BCL2L14: variants seen among roughly 807,000 people sequenced by gnomAD.
BCL2L14 encodes BCL2 like 14.
Under a neutral mutation model 35.3 loss-of-function variants are expected in BCL2L14, and 27 were observed. The ratio of observed to expected loss-of-function variants is 0.76; its 90% CI spans 0.56 to 1.05. The LOEUF (loss-of-function observed/expected upper bound fraction) is 1.05. Ranked by LOEUF, BCL2L14 falls within the 50% of genes least tolerant of loss-of-function variation. BCL2L14 has a pLI of 0.00. For synonymous variants in BCL2L14, 139 were observed against 145.9 expected, an observed-to-expected ratio of 0.95 and a Z score of 0.34; for missense variants, 377 against 382.6, an observed-to-expected ratio of 0.99 and a Z score of 0.12.
At chr12:12,097,459 C>T (rs994420375) in intron 5 of BCL2L14, among the ~76,000 whole-genome samples, 2 of 152,162 alleles carry the variant, frequency 1.3e-5, no homozygotes, top group Non-Finnish European at 2.9e-5. Flanking sequence ...TGTATGATTC[C>T]ATGTATATGA....
intron 2 of BCL2L14, among the ~76,000 whole-genome samples, chr12:12,084,046 T>C (rs1948986553): frequency 1.3e-5 from 2 of 152,208 alleles, no homozygotes; most frequent in African/African-American, 4.8e-5. Context: ...TGTCTACATC[T>C]CAGGCAAGAA....
chr12:12,057,670 T>C lies in BCL2L14; in HGVS notation c.-272+5823T>C, dbSNP rs1333310845. On this transcript the variant is annotated intron_variant, in intron 2 of 3. Coordinates refer to the BCL2L14 transcript ENST00000461264. Reference sequence around the variant, plus strand: ...TACTAGGGAGGCTGAGGCAGAAGAATTGCTTGAACCTGGGAGGCGGATGTT... The same window carrying C: ...TACTAGGGAGGCTGAGGCAGAAGAACTGCTTGAACCTGGGAGGCGGATGTT... Among the ~76,000 whole-genome samples the C allele has an allele frequency of 3.3e-5, 5 of 150,654 alleles. No individual in the cohort carries two copies. In the Admixed American group the frequency reaches 3.3e-4, roughly 10 times the overall value.
chr12:12,092,327 C>T (rs1949206728), intron 4 of BCL2L14, among the ~76,000 whole-genome samples: 1 of 152,230 alleles, frequency 6.6e-6, no homozygotes, highest in Non-Finnish European at 1.5e-5. Flanking sequence ...GGAGTTTGGA[C>T]ATTTTACATT....
At chr12:12,056,007 G>A (rs906595748) in intron 2 of BCL2L14, among the ~76,000 whole-genome samples, 4 of 151,916 alleles carry the variant, frequency 2.6e-5, no homozygotes, top group African/African-American at 9.7e-5. Context: ...TCCCCGAGGC[G>A]ATGTCTGATC....
rs916715662 is a variant in BCL2L14, at chr12:12,071,155, C to T, written c.-8+18C>T. On this transcript the variant is annotated intron_variant, in intron 1 of 5. Coordinates refer to ENST00000308721, the MANE Select transcript of BCL2L14 (RefSeq NM_138723.2). The stretch of plus-strand genomic sequence containing the variant: ...CAGACCAGGTAACACCAGGAGGCAC[C>T]AGTCTTCATCCTCAGCCTTTGCAGG... 2 of 152,226 alleles carry T rather than the reference C, an allele frequency of 1.3e-5. No individual in the cohort carries two copies. Among genetic ancestry groups the T allele is most frequent in the African/African-American group, 4.8e-5 (2 of 41,444 alleles). The allele number at this position is 152,226 out of a possible 1,614,324, so 9.4% of individuals were successfully genotyped here. A position where few individuals can be genotyped will look rare whatever the true frequency, so the allele number is the denominator to read the frequency against.
chr12:12,059,169 C>T (rs562835940), intron 2 of BCL2L14, among the ~76,000 whole-genome samples: 3 of 152,336 alleles, frequency 2.0e-5, no homozygotes, highest in South Asian at 4.1e-4. Context: ...TCTGATTATT[C>T]CCCCACGTTT....
intron 2 of BCL2L14, among the ~76,000 whole-genome samples, chr12:12,083,812 A>G (rs771426315): frequency 6.6e-6 from 1 of 152,130 alleles, no homozygotes; most frequent in Non-Finnish European, 1.5e-5. Flanking sequence ...GCCAGGCGCC[A>G]TGGTGCGCGC....
At chr12:12,069,594 G>C (rs553986073), upstream of BCL2L14, among the ~76,000 whole-genome samples, 1,400 of 151,372 alleles carry the variant, frequency 9.2e-3, 22 homozygotes, top group Middle Eastern at 0.02. Context: ...TGTAGTCCCA[G>C]CTACTTGGGA....
chr12:12,056,521 G>GA (rs1948435244), intron 2 of BCL2L14, among the ~76,000 whole-genome samples: 1 of 152,146 alleles, frequency 6.6e-6, no homozygotes, highest in Admixed American at 6.6e-5. Context: ...GTAAATAACT[G>GA]AGCCATTGAT....
intron 3 of BCL2L14, among the ~76,000 whole-genome samples, chr12:12,087,840 A>G (rs1329303807): frequency 6.6e-6 from 1 of 152,212 alleles, no homozygotes; most frequent in East Asian, 1.9e-4. Context: ...GACATGGAGC[A>G]GAACTGAGAA....
At chr12:12,072,511 G>A (rs887284962) in intron 1 of BCL2L14, 1 of 152,278 alleles carries the variant, frequency 6.6e-6, no homozygotes, top group South Asian at 2.1e-4. Context: ...TAAGGATCAG[G>A]AAGGTAAACA....
chr12:12,061,195 T>C (rs1948520621), intron 2 of BCL2L14, among the ~76,000 whole-genome samples: 1 of 150,904 alleles, frequency 6.6e-6, no homozygotes, highest in African/African-American at 2.4e-5. Context: ...ATTCCTGGGC[T>C]ACAGCCACAC....
rs1591843308 is a variant in BCL2L14 at position 12,099,184 on chromosome 12, C to T, written c.*196C>T. The T allele has an allele frequency of 3.5e-6, 2 of 563,530 alleles. No individual in the cohort carries two copies. Among genetic ancestry groups the T allele is most frequent in the Non-Finnish European group, 3.2e-6 (1 of 314,968 alleles). 34.9% of individuals were successfully genotyped at this position (563,530 alleles called of 1,614,324 possible). Reference sequence around the variant, plus strand: ...GCTCATAAAATGTAGCAGCATCATCCTTGACAGTGATGTTTTTCAGGCCCT... The same window carrying T: ...GCTCATAAAATGTAGCAGCATCATCTTTGACAGTGATGTTTTTCAGGCCCT... On this transcript the variant is annotated 3_prime_UTR_variant, in exon 6 of 6. Transcript: ENST00000308721.
chr12:12,064,303 A>AT (rs144660036), intron 2 of BCL2L14, among the ~76,000 whole-genome samples: 46,265 of 137,962 alleles, frequency 0.34, 7,246 homozygotes, highest in East Asian at 0.46. Context: ...AATTTTTTTG[A>AT]TTTTTTTTTT....
chr12:12,063,135 T>C (rs1266184986), intron 2 of BCL2L14, among the ~76,000 whole-genome samples: 3 of 151,234 alleles, frequency 2.0e-5, no homozygotes, highest in East Asian at 1.9e-4. Flanking sequence ...CTATCTTCTG[T>C]CTAGTCATAC....
chr12:12,060,092 C>A (rs192533621), intron 2 of BCL2L14, among the ~76,000 whole-genome samples: 2 of 151,564 alleles, frequency 1.3e-5, no homozygotes, highest in Non-Finnish European at 2.9e-5. Flanking sequence ...CTCGCCAGGC[C>A]GAGCTAGGTC....
At chr12:12,069,581 G>A (rs928500628), upstream of BCL2L14, among the ~76,000 whole-genome samples, 4 of 151,522 alleles carry the variant, frequency 2.6e-5, no homozygotes, top group South Asian at 2.1e-4. Context: ...GGTGGCGGGC[G>A]CCTGTAGTCC....
upstream of BCL2L14, among the ~76,000 whole-genome samples, chr12:12,066,423 A>G (rs928455908): frequency 2.0e-5 from 3 of 152,222 alleles, no homozygotes; most frequent in African/African-American, 7.2e-5. Context: ...GTGATGGGCA[A>G]AAACCCCAAC....
intron 5 of BCL2L14, among the ~76,000 whole-genome samples, chr12:12,096,876 G>GC (rs1304312397): frequency 6.6e-6 from 1 of 152,246 alleles, no homozygotes; most frequent in African/African-American, 2.4e-5. Context: ...GGGCGCAGTG[G>GC]CTCACGCCTG....
Sources: allele counts gnomAD v4.1 joint callset (sites outside exome capture counted in the v4.1 genomes callset), GRCh38; gene constraint gnomAD v4.1.1; transcripts MANE v1.5; gene names NCBI Gene and HGNC (gene_info 2026-07-23, HGNC 2026-07-21).